SHANK2: variants seen among roughly 807,000 people sequenced by gnomAD.
SHANK2 encodes the protein SH3 and multiple ankyrin repeat domains protein 2.
In SHANK2, 43 loss-of-function variants were observed where a neutral mutation model predicts 133.7. The ratio of observed to expected loss-of-function variants is 0.32; its 90% CI spans 0.25 to 0.41. The LOEUF is 0.41. Among genes scored for constraint, SHANK2 ranks in the 10% least tolerant of loss-of-function variants. The pLI is 1.00. For synonymous variants in SHANK2, 1,017 were observed against 952.8 expected (o/e 1.07, Z -1.24); for missense variants, 1,994 against 2,235.8 (o/e 0.89, Z 2.18).
intron 11 of SHANK2, among the ~76,000 whole-genome samples, chr11:70,843,760 G>A (rs1197985953): frequency 6.6e-6 from 1 of 152,044 alleles, no homozygotes; most frequent in African/African-American, 2.4e-5. Context: ...TCTGCACACG[G>A]GAGACTGATA....
At chr11:70,815,381 C>G (rs1555054086) in intron 12 of SHANK2, among the ~76,000 whole-genome samples, 1 of 152,078 alleles carries the variant, frequency 6.6e-6, no homozygotes, top group African/African-American at 2.4e-5. Context: ...AGAGGGACAG[C>G]CCTGCCACAG....
At chr11:70,768,829 T>C (rs1947181986) in intron 14 of SHANK2, among the ~76,000 whole-genome samples, 2 of 152,056 alleles carry the variant, frequency 1.3e-5, no homozygotes. Context: ...TGGCTCTGGC[T>C]CCTGGCTTCC....
chr11:70,928,490 G>A (rs1555081992), intron 10 of SHANK2, among the ~76,000 whole-genome samples: 3 of 152,138 alleles, frequency 2.0e-5, no homozygotes, highest in African/African-American at 7.2e-5. Flanking sequence ...CCCAGAAGAT[G>A]CAGCAAAGGG....
chr11:70,658,127 C>A (rs1191654991), intron 17 of SHANK2, among the ~76,000 whole-genome samples: 4 of 150,628 alleles, frequency 2.7e-5, no homozygotes, highest in African/African-American at 9.8e-5. Context: ...ACCCCCCCCA[C>A]CCTGCCTGTC....
At chr11:70,712,650 C>T (rs539841880) in intron 14 of SHANK2, among the ~76,000 whole-genome samples, 2 of 152,352 alleles carry the variant, frequency 1.3e-5, no homozygotes, top group African/African-American at 4.8e-5. Context: ...GGGCGGGGCC[C>T]AGTTCCTGGA....
At chr11:70,633,751 C>T (rs184632317) in intron 17 of SHANK2, 1 of 152,258 alleles carries the variant, frequency 6.6e-6, no homozygotes, top group African/African-American at 2.4e-5. Flanking sequence ...TTCACCATCA[C>T]CACCTGGATC....
intron 2 of SHANK2, among the ~76,000 whole-genome samples, chr11:71,176,671 A>G (rs1367215267): frequency 6.6e-6 from 1 of 152,212 alleles, no homozygotes; most frequent in Non-Finnish European, 1.5e-5. Flanking sequence ...ACACAAAGAA[A>G]ATAATAATAA....
At chr11:71,142,360 G>A (rs1952572616) in intron 3 of SHANK2, among the ~76,000 whole-genome samples, 1 of 152,178 alleles carries the variant, frequency 6.6e-6, no homozygotes, top group Non-Finnish European at 1.5e-5. Context: ...AATTAGCCAG[G>A]CGTGGTGGCG....
intron 17 of SHANK2, among the ~76,000 whole-genome samples, chr11:70,658,472 C>T (rs2061440394): frequency 6.6e-6 from 1 of 152,214 alleles, no homozygotes; most frequent in South Asian, 2.1e-4. Flanking sequence ...AGTTTCAACA[C>T]ACAAGAACCC....
intron 17 of SHANK2, among the ~76,000 whole-genome samples, chr11:70,639,184 A>G (rs1401048257): frequency 2.0e-5 from 3 of 152,068 alleles, no homozygotes; most frequent in Non-Finnish European, 4.4e-5. Flanking sequence ...GGGGACCCAG[A>G]TGGCAGCCTC....
At chr11:71,085,881 ATAACCT>A (rs1951393515) in intron 8 of SHANK2, among the ~76,000 whole-genome samples, 2 of 114 alleles carry the variant, frequency 0.018, no homozygotes, top group Non-Finnish European at 0.042. Context: ...ATATATTTAT[ATAACCT>A]TAATATATAT....
At chr11:70,945,326 A>T (rs376145080) in intron 10 of SHANK2, among the ~76,000 whole-genome samples, 1 of 152,208 alleles carries the variant, frequency 6.6e-6, no homozygotes, top group Admixed American at 6.5e-5. Context: ...GAGGCCTGGG[A>T]GGCTTGAGCA....
At chr11:70,923,194 G>A (rs1950375332) in intron 10 of SHANK2, among the ~76,000 whole-genome samples, 1 of 152,174 alleles carries the variant, frequency 6.6e-6, no homozygotes, top group Non-Finnish European at 1.5e-5. Context: ...GGTCCCCACT[G>A]TTTCCCTCCA....
intron 1 of SHANK2, among the ~76,000 whole-genome samples, chr11:71,225,979 C>T (rs539323059): frequency 8.3e-4 from 126 of 152,170 alleles, no homozygotes; most frequent in Non-Finnish European, 1.2e-3. Context: ...AAAACTTAGC[C>T]GGGTTGGTGG....
chr11:70,632,760 G>T (rs1343212783), intron 17 of SHANK2, among the ~76,000 whole-genome samples: 1 of 152,160 alleles, frequency 6.6e-6, no homozygotes, highest in East Asian at 1.9e-4. Flanking sequence ...CATCCGGGCT[G>T]CAGAAGAACA....
At chr11:70,799,486 T>C (rs1258048927) in intron 13 of SHANK2, among the ~76,000 whole-genome samples, 1 of 152,164 alleles carries the variant, frequency 6.6e-6, no homozygotes, top group East Asian at 1.9e-4. Flanking sequence ...GGACGTGGAA[T>C]TATCTTCACT....
In SHANK2 at chr11:71,175,821, C is replaced by G. The variant is rs1274098725; in HGVS notation, c.-12-28483G>C. 6.6e-6 allele frequency among the ~76,000 whole-genome samples: 1 copy of G among 152,196 alleles called. No individual in the cohort carries two copies. Among genetic ancestry groups the G allele is most frequent in the Non-Finnish European group, 1.5e-5 (1 of 68,044 alleles). ...TTTCTGCCTCCTCAGGGTTTCCAGA[C>G]CATGCTGCAAGCAAGGACCACCCAG... is the stretch of plus-strand genomic sequence containing the variant. On this transcript the variant is annotated intron_variant, in intron 2 of 25. Transcript: ENST00000601538. The surrounding 1 kb of genome is among the most constrained non-coding windows in gnomAD (Gnocchi z 4.2).
At chr11:70,852,688 C>T (rs1555065892) in intron 11 of SHANK2, among the ~76,000 whole-genome samples, 1 of 152,172 alleles carries the variant, frequency 6.6e-6, no homozygotes, top group African/African-American at 2.4e-5. Flanking sequence ...ACTAAAAATA[C>T]AAAAATTAGC....
intron 15 of SHANK2, among the ~76,000 whole-genome samples, chr11:70,670,170 C>T (rs1944768489): frequency 6.6e-6 from 1 of 152,192 alleles, no homozygotes; most frequent in African/African-American, 2.4e-5. Flanking sequence ...GATCTGCCTT[C>T]TCCAAGGCAG....
Sources: allele counts gnomAD v4.1 joint callset (sites outside exome capture counted in the v4.1 genomes callset), GRCh38; gene constraint gnomAD v4.1.1; non-coding constraint Gnocchi (gnomAD v3.1); transcripts MANE v1.5; gene names NCBI Gene and HGNC (gene_info 2026-07-23, HGNC 2026-07-21).